The following TMEM232 variants were observed in gnomAD, a reference collection of about 807,000 sequenced individuals.
TMEM232 encodes the protein transmembrane protein 232.
Under a neutral mutation model 78.8 loss-of-function variants are expected in TMEM232, and 80 were observed. The ratio of observed to expected loss-of-function variants is 1.01; its 90% CI spans 0.85 to 1.22. TMEM232 has a LOEUF of 1.22. TMEM232 is among the 50% of genes most tolerant of loss of function. The pLI, the probability that TMEM232 is intolerant of heterozygous loss-of-function variation, is 0.00. For missense variants in TMEM232, 881 were observed against 742.2 expected, an observed-to-expected ratio of 1.19 and a Z score of -2.17; for synonymous variants, 297 against 254.3, an observed-to-expected ratio of 1.17 and a Z score of -1.60.
At chr5:110,696,527 A>G (rs1794799623) in intron 1 of TMEM232, among the ~76,000 whole-genome samples, 1 of 152,224 alleles carries the variant, frequency 6.6e-6, no homozygotes, top group East Asian at 1.9e-4. Flanking sequence ...CTGTTTGCAG[A>G]TGACATGATT....
At chr5:110,717,461 C>T (rs376323963) in intron 1 of TMEM232, among the ~76,000 whole-genome samples, 119 of 152,240 alleles carry the variant, frequency 7.8e-4, no homozygotes, top group African/African-American at 2.8e-3. Context: ...AGTAATTCTG[C>T]TTCCATCCCA....
At chr5:110,405,702 T>TATAAA (rs1221370365) in intron 2 of TMEM232, among the ~76,000 whole-genome samples, 3 of 130,348 alleles carry the variant, frequency 2.3e-5, no homozygotes, top group African/African-American at 8.6e-5. Context: ...GATGGATCAA[T>TATAAA]ATAAAACATC....
intron 2 of TMEM232, among the ~76,000 whole-genome samples, chr5:110,659,507 T>C: frequency 6.6e-6 from 1 of 152,074 alleles, no homozygotes; most frequent in Non-Finnish European, 1.5e-5. Flanking sequence ...GGAGGATGCA[T>C]TTCTCCTACT....
chr5:110,439,028 G>C (rs1411654490), intron 12 of TMEM232, among the ~76,000 whole-genome samples: 1 of 152,100 alleles, frequency 6.6e-6, no homozygotes, highest in Non-Finnish European at 1.5e-5. Context: ...GAATAATTCT[G>C]ATTTTCTGTT....
intron 8 of TMEM232, chr5:110,617,824 A>C (rs751075204): frequency 6.4e-6 from 1 of 156,624 alleles, no homozygotes; most frequent in African/African-American, 2.4e-5. Flanking sequence ...ACAAACAAAC[A>C]AACAAACAAA....
At chr5:110,551,039 A>G (rs528040627) in intron 11 of TMEM232, among the ~76,000 whole-genome samples, 2 of 152,110 alleles carry the variant, frequency 1.3e-5, no homozygotes, top group Non-Finnish European at 2.9e-5. Flanking sequence ...TACCAACATA[A>G]TAACTTGGAT....
chr5:110,667,083 A>C (rs1790688465), intron 2 of TMEM232, 145 bp downstream of exon 2: 5 of 618,284 alleles, frequency 8.1e-6, no homozygotes, highest in African/African-American at 1.9e-5. Context: ...ACATAATTAC[A>C]ATAAACAAGG....
intron 12 of TMEM232, among the ~76,000 whole-genome samples, chr5:110,475,656 A>T (rs1018271234): frequency 6.6e-6 from 1 of 151,834 alleles, no homozygotes; most frequent in Non-Finnish European, 1.5e-5. Flanking sequence ...TATAAGTACA[A>T]GGAGGCCAAA....
chr5:110,454,988 A>C (rs1226471453), intron 12 of TMEM232, among the ~76,000 whole-genome samples: 1 of 152,174 alleles, frequency 6.6e-6, no homozygotes, highest in Non-Finnish European at 1.5e-5. Flanking sequence ...TCAATATTAA[A>C]ATGAAAGACA....
chr5:110,499,075 A>T (rs189929182), intron 12 of TMEM232, among the ~76,000 whole-genome samples: 2 of 152,276 alleles, frequency 1.3e-5, no homozygotes, highest in African/African-American at 4.8e-5. Flanking sequence ...TATGACCAAA[A>T]AGGGGGGCAA....
intron 11 of TMEM232, among the ~76,000 whole-genome samples, chr5:110,567,375 G>C: frequency 6.6e-6 from 1 of 150,376 alleles, no homozygotes; most frequent in South Asian, 2.1e-4. Flanking sequence ...TATTTAAAGG[G>C]AACCCATTTG....
intron 11 of TMEM232, among the ~76,000 whole-genome samples, chr5:110,544,441 CAAAA>C (rs575755362): frequency 0.07 from 5,292 of 75,712 alleles, 138 homozygotes; most frequent in African/African-American, 0.11. Flanking sequence ...ACACACATAT[CAAAA>C]AAAAAAAAAA....
chr5:110,403,988 G>C (rs2195334), intron 2 of TMEM232, among the ~76,000 whole-genome samples: 2 of 151,874 alleles, frequency 1.3e-5, no homozygotes, highest in African/African-American at 4.8e-5. Context: ...GTGCGGGGTA[G>C]GACTTTTCAA....
intron 1 of TMEM232, among the ~76,000 whole-genome samples, chr5:110,673,295 G>A (rs1791600958): frequency 6.6e-6 from 1 of 150,540 alleles, no homozygotes; most frequent in Admixed American, 6.6e-5. Context: ...ACACACCACG[G>A]CCTGTTGTGG....
At chr5:110,662,140 TA>T (rs1789886595) in intron 2 of TMEM232, among the ~76,000 whole-genome samples, 1 of 152,166 alleles carries the variant, frequency 6.6e-6, no homozygotes. Context: ...AATATTTGTG[TA>T]TGTAAAATCA....
In TMEM232 at chr5:110,482,703, C is replaced by T. The variant is rs566550231; in HGVS notation, c.1703+45885G>A. Among the ~76,000 whole-genome samples, 681 of 151,172 alleles carry T rather than the reference C, an allele frequency of 4.5e-3. 2 individuals carry two copies. The highest frequency in any genetic ancestry group is 8.0e-3 in the Non-Finnish European group (540 of 67,882). On this transcript the variant is annotated intron_variant, in intron 12 of 13. Transcript: ENST00000455884. ...AGAAGTAGATTTCTGCAACTAAACC[C>T]GTAAACATGAATGAGTAAAAATAAA...
At chr5:110,588,666 A>T (rs988540166) in intron 10 of TMEM232, among the ~76,000 whole-genome samples, 1 of 152,136 alleles carries the variant, frequency 6.6e-6, no homozygotes, top group African/African-American at 2.4e-5. Flanking sequence ...TTTGGAAAAT[A>T]TGGAAAGAAA....
At chr5:110,592,724 A>G (rs1206329166) in intron 10 of TMEM232, among the ~76,000 whole-genome samples, 1 of 152,182 alleles carries the variant, frequency 6.6e-6, no homozygotes. Flanking sequence ...CCACTTGTGA[A>G]TGTACAAAGG....
chr5:110,687,952 T>A (rs1289272894), intron 1 of TMEM232, among the ~76,000 whole-genome samples: 2 of 152,028 alleles, frequency 1.3e-5, no homozygotes, highest in East Asian at 3.9e-4. Context: ...GTTAAAAAAA[T>A]AAAAATGTTT....
Sources: gnomAD v4.1 joint callset for allele counts (sites outside exome capture counted in the v4.1 genomes callset) on GRCh38, gnomAD v4.1.1 for gene constraint, MANE v1.5 for transcripts, NCBI Gene and HGNC (gene_info 2026-07-23, HGNC 2026-07-21) for gene names.